The following NFIB variants were observed in gnomAD, a reference collection of about 807,000 sequenced individuals.
NFIB encodes nuclear factor I B, also known as nuclear factor 1 B-type.
In NFIB, 11 loss-of-function variants were observed where a neutral mutation model predicts 61.5. The observed-to-expected ratio is 0.18, with a 90% confidence interval of 0.11 to 0.30. The LOEUF (loss-of-function observed/expected upper bound fraction) is 0.30, where lower values mean the gene tolerates loss of function less well. Among genes scored for constraint, NFIB ranks in the 10% least tolerant of loss-of-function variants. NFIB has a pLI of 1.00. For synonymous variants in NFIB, 260 were observed against 216.5 expected (o/e 1.20, Z -1.76); for missense variants, 471 against 608.9 (o/e 0.77, Z 2.38).
chr9:14,290,172 G>C (rs966077885), intron 2 of NFIB, among the ~76,000 whole-genome samples: 1 of 152,024 alleles, frequency 6.6e-6, no homozygotes, highest in Non-Finnish European at 1.5e-5. Context: ...CACAAATATT[G>C]AAACAGGCAT....
At chr9:14,347,759 T>A (rs1190416572) in intron 1 of NFIB, among the ~76,000 whole-genome samples, 1 of 151,708 alleles carries the variant, frequency 6.6e-6, no homozygotes, top group Non-Finnish European at 1.5e-5. Flanking sequence ...AGTTCCGCGG[T>A]TTTTTTTCCG....
chr9:14,472,609 G>T, the NFIB span, among the ~76,000 whole-genome samples: 3 of 152,106 alleles, frequency 2.0e-5, no homozygotes, highest in African/African-American at 7.2e-5. Flanking sequence ...GGGAGGCTGA[G>T]GGCAGGTGGA....
At chr9:14,101,618 T>C (rs2035797481) in intron 10 of NFIB, among the ~76,000 whole-genome samples, 2 of 152,250 alleles carry the variant, frequency 1.3e-5, no homozygotes, top group African/African-American at 4.8e-5. Context: ...TTATTTCTTA[T>C]TACTTATGAT....
the NFIB span, among the ~76,000 whole-genome samples, chr9:14,423,983 C>T: frequency 6.6e-6 from 1 of 150,556 alleles, no homozygotes; most frequent in African/African-American, 2.4e-5. Context: ...CAGAGAAGCT[C>T]GGGAATTTGG....
intron 2 of NFIB, among the ~76,000 whole-genome samples, chr9:14,250,926 T>C (rs2055535489): frequency 6.6e-6 from 1 of 152,202 alleles, no homozygotes; most frequent in Admixed American, 6.5e-5. Flanking sequence ...TAATAAAAGT[T>C]TTTTTGAAAA....
intron 1 of NFIB, among the ~76,000 whole-genome samples, chr9:14,374,254 C>T (rs954841964): frequency 7.9e-5 from 12 of 152,028 alleles, no homozygotes; most frequent in Non-Finnish European, 1.3e-4. Flanking sequence ...CAGGCTTTTG[C>T]CTCCCCTCCT....
the NFIB span, among the ~76,000 whole-genome samples, chr9:14,436,305 C>T: frequency 1.3e-5 from 2 of 152,234 alleles, no homozygotes; most frequent in South Asian, 2.1e-4. Context: ...GTGAACATCA[C>T]TCAGGACTTC....
chr9:14,136,597 G>A (rs2041076861), intron 6 of NFIB, among the ~76,000 whole-genome samples: 1 of 152,152 alleles, frequency 6.6e-6, no homozygotes, highest in African/African-American at 2.4e-5. Context: ...CAAGGTTTTT[G>A]TTGTTACTAA....
chr9:14,262,705 A>T (rs1277888714), intron 2 of NFIB, among the ~76,000 whole-genome samples: 1 of 152,232 alleles, frequency 6.6e-6, no homozygotes, highest in East Asian at 1.9e-4. Flanking sequence ...TACTAGAGAC[A>T]GAACCGACAG....
At chr9:14,346,536 G>A (rs1353705421) in intron 1 of NFIB, among the ~76,000 whole-genome samples, 2 of 152,080 alleles carry the variant, frequency 1.3e-5, no homozygotes, top group Non-Finnish European at 2.9e-5. Flanking sequence ...CACCGTCGGC[G>A]ACGGATTTCG....
At chr9:14,419,465 T>C in the NFIB span, among the ~76,000 whole-genome samples, 3 of 152,176 alleles carry the variant, frequency 2.0e-5, no homozygotes, top group African/African-American at 4.8e-5. Context: ...CACCGGCATG[T>C]GACCTGGCAC....
chr9:14,083,768 C>T lies in NFIB; in HGVS notation c.*4541G>A. The T allele has an allele frequency of 4.4e-6, 1 of 226,492 alleles. No individual in the cohort carries two copies. The highest frequency in any genetic ancestry group is 6.4e-5 in the East Asian group (1 of 15,720). The allele number at this position is 226,492 out of a possible 1,614,324, so 14.0% of individuals were successfully genotyped here. On this transcript the variant is annotated 3_prime_UTR_variant, in exon 11 of 11. Transcript: ENST00000380953. The stretch of plus-strand genomic sequence containing the variant: ...TGCTGTCACACCGCTGAAGATGTCC[C>T]TGTGCAATCTCTTTCGTTGAGTCCT...
At chr9:14,169,222 G>A (rs2045281749) in intron 3 of NFIB, among the ~76,000 whole-genome samples, 1 of 152,142 alleles carries the variant, frequency 6.6e-6, no homozygotes, top group Admixed American at 6.5e-5. Flanking sequence ...ACAAGTGGAA[G>A]TGATGATTTT....
the NFIB span, among the ~76,000 whole-genome samples, chr9:14,528,637 G>A: frequency 1.3e-5 from 2 of 152,018 alleles, no homozygotes; most frequent in South Asian, 4.1e-4. Context: ...GGTTCTGATG[G>A]GATCAAATGA....
chr9:14,380,795 A>C (rs1047263391), intron 1 of NFIB, among the ~76,000 whole-genome samples: 1 of 152,102 alleles, frequency 6.6e-6, no homozygotes, highest in Non-Finnish European at 1.5e-5. Flanking sequence ...GTTTCTTCTA[A>C]AAAGAGTCTC....
chr9:14,404,779 C>A, the NFIB span, among the ~76,000 whole-genome samples: 15 of 152,128 alleles, frequency 9.9e-5, no homozygotes, highest in African/African-American at 3.4e-4. Flanking sequence ...GATGGTGTGA[C>A]AGTAGCAGCA....
At chr9:14,416,891 A>AGTTTTTTT in the NFIB span, among the ~76,000 whole-genome samples, 1 of 112,184 alleles carries the variant, frequency 8.9e-6, no homozygotes, top group African/African-American at 5.4e-5. Flanking sequence ...TACTATTTTT[A>AGTTTTTTT]CTTTTTTTTT....
intron 2 of NFIB, among the ~76,000 whole-genome samples, chr9:14,279,352 T>A (rs2058216150): frequency 6.6e-6 from 1 of 152,168 alleles, no homozygotes. Flanking sequence ...TCAACACTGA[T>A]AACTAGATTC....
intron 1 of NFIB, among the ~76,000 whole-genome samples, chr9:14,396,829 C>T (rs2061692102): frequency 6.6e-6 from 1 of 152,180 alleles, no homozygotes; most frequent in South Asian, 2.1e-4. Context: ...CAGTATCATT[C>T]TCTGTAGCTG....
Sources: allele counts gnomAD v4.1 joint callset (sites outside exome capture counted in the v4.1 genomes callset), GRCh38; gene constraint gnomAD v4.1.1; transcripts MANE v1.5; gene names NCBI Gene and HGNC (gene_info 2026-07-23, HGNC 2026-07-21).